Variants in SLC7A2 observed in about 807,000 individuals in gnomAD.
SLC7A2 encodes cationic amino acid transporter 2.
Under a neutral mutation model 58.9 loss-of-function variants are expected in SLC7A2, and 48 were observed. The observed-to-expected ratio is 0.82, with a 90% CI of 0.65 to 1.04. The LOEUF (loss-of-function observed/expected upper bound fraction) is 1.04, where lower values mean the gene tolerates loss of function less well. Ranked by LOEUF, SLC7A2 falls within the 50% of genes least tolerant of loss-of-function variation. The probability of loss-of-function intolerance (pLI) is 0.00; values close to 1 mark genes in which losing one functional copy is unlikely to be tolerated. For missense variants in SLC7A2, 1,029 were observed against 818.8 expected (o/e 1.26, Z -3.13); for synonymous variants, 363 against 314.5 (o/e 1.15, Z -1.63).
chr8:17,507,492 G>A (rs926713168), intron 2 of SLC7A2, among the ~76,000 whole-genome samples: 2 of 152,034 alleles, frequency 1.3e-5, no homozygotes, highest in African/African-American at 2.4e-5. Context: ...GGAATTATAG[G>A]CATAAGCCAC....
intron 1 of SLC7A2, among the ~76,000 whole-genome samples, chr8:17,501,162 T>A (rs529269794): frequency 6.6e-6 from 1 of 152,122 alleles, no homozygotes; most frequent in African/African-American, 2.4e-5. Flanking sequence ...TACAGGCGTG[T>A]GCCACCATGT....
chr8:17,556,613 G>T (rs547646244), intron 8 of SLC7A2, among the ~76,000 whole-genome samples: 1 of 141,080 alleles, frequency 7.1e-6, no homozygotes, highest in Admixed American at 6.9e-5. Context: ...GAGCAATGAA[G>T]AATTTTTTTT....
At chr8:17,515,762 A>T (rs1322893997) in intron 2 of SLC7A2, among the ~76,000 whole-genome samples, 1 of 152,162 alleles carries the variant, frequency 6.6e-6, no homozygotes, top group Non-Finnish European at 1.5e-5. Flanking sequence ...CTATCATTAA[A>T]TCTTAGAATC....
chr8:17,564,820 C>G lies in SLC7A2; in HGVS notation c.1781-130C>G, dbSNP rs547047342. On this transcript the variant is annotated intron_variant, in intron 12 of 12. Coordinates refer to ENST00000494857, the MANE Select transcript of SLC7A2 (RefSeq NM_001370338.1). ...GGTCTGTGGCCCAGGGGTTGGTGACCCCCGTTCTAAAGTACTACAGAAAGG... is the reference window on the plus strand; with the variant it reads ...GGTCTGTGGCCCAGGGGTTGGTGACGCCCGTTCTAAAGTACTACAGAAAGG... 8 of 747,854 alleles carry G rather than the reference C, an allele frequency of 1.1e-5. No individual in the cohort carries two copies. The East Asian group carries it at 2.2e-4, about 20-fold the overall frequency. 46.3% of individuals were successfully genotyped at this position (747,854 alleles called of 1,614,324 possible).
rs1419649204 is a variant in SLC7A2, at chr8:17,554,596, C to A, written c.1092C>A (p.Ile364=). The A allele has an allele frequency of 2.5e-6, 4 of 1,610,938 alleles. No individual in the cohort carries two copies. The stretch of plus-strand genomic sequence containing the variant: ...CCATTTTCCCAATGCCTCGTGTAAT[C>A]TATGCTATGGCGGAGGATGGGTTGC... ...LGSIFPMPRV[I]YAMAEDGLLF... is the part of the protein sequence containing the mutation. Residue 364 remains isoleucine, a synonymous_variant, in exon 8 of 13, where the codon ATC becomes ATA. Transcript: ENST00000494857.
At position 17,546,566 on chromosome 8, in the gene SLC7A2, A is replaced by G. The variant is rs1439112841; in HGVS notation, c.532+1960A>G. On this transcript the variant is annotated intron_variant, in intron 4 of 12. Transcript: ENST00000494857. Reference sequence around the variant, plus strand: ...TGCTGTTGGGAAACTTACATGAAATATAAAGGTGGCTTTGTTATTCTCTGA... The same window carrying G: ...TGCTGTTGGGAAACTTACATGAAATGTAAAGGTGGCTTTGTTATTCTCTGA... 2.6e-5 allele frequency among the ~76,000 whole-genome samples: 4 copies of G among 152,342 alleles called. No homozygotes were observed. The East Asian group carries it at 5.8e-4, about 22-fold the overall frequency.
chr8:17,542,132 A>G (rs1354369750), intron 2 of SLC7A2, among the ~76,000 whole-genome samples: 1 of 152,210 alleles, frequency 6.6e-6, no homozygotes, highest in Non-Finnish European at 1.5e-5. Flanking sequence ...AGGCCTTGAG[A>G]GGTGATTTTT....
chr8:17,509,583 G>T (rs1399880696), intron 2 of SLC7A2, among the ~76,000 whole-genome samples: 1 of 152,116 alleles, frequency 6.6e-6, no homozygotes, highest in Non-Finnish European at 1.5e-5. Context: ...TGGGAAGACA[G>T]GCGGGAGCCA....
rs978525437 is a variant in SLC7A2, at chr8:17,567,318, A to C, written c.*2172A>C. 2.6e-5 allele frequency: 4 copies of C among 152,440 alleles called. No homozygotes were observed. The highest frequency in any genetic ancestry group is 1.9e-4 in the East Asian group (1 of 5,188). The allele number at this position is 152,440 out of a possible 1,614,324, so 9.4% of individuals were successfully genotyped here. ...AACAATTGTTATATATGAACACTCA[A>C]ATCTTTTACTGTAACGAAACCAAGA... On this transcript the variant is annotated 3_prime_UTR_variant, in exon 13 of 13. Transcript: ENST00000494857.
At chr8:17,527,196 A>G (rs1414500715) in intron 2 of SLC7A2, among the ~76,000 whole-genome samples, 1 of 152,244 alleles carries the variant, frequency 6.6e-6, no homozygotes, top group Non-Finnish European at 1.5e-5. Flanking sequence ...GAAACTTAAA[A>G]TGCTGAATTT....
At chr8:17,506,815 A>G (rs540412320) in intron 2 of SLC7A2, among the ~76,000 whole-genome samples, 3 of 151,798 alleles carry the variant, frequency 2.0e-5, no homozygotes, top group South Asian at 2.1e-4. Context: ...CAGTGGCGCA[A>G]TCTCGGCTCA....
At chr8:17,562,452 A>G (rs1803063142) in intron 11 of SLC7A2, among the ~76,000 whole-genome samples, 1 of 151,046 alleles carries the variant, frequency 6.6e-6, no homozygotes, top group Non-Finnish European at 1.5e-5. Flanking sequence ...TAATCCACCC[A>G]CCTCTGCCTC....
rs1802637783 is a variant in SLC7A2 at position 17,555,186 on chromosome 8, A to G, written c.1195+487A>G. 18 of 1,034,606 alleles carry G rather than the reference A, an allele frequency of 1.7e-5. No homozygotes were observed. In the South Asian group the frequency reaches 3.4e-4, roughly 20 times the overall value. 64.1% of individuals were successfully genotyped at this position (1,034,606 alleles called of 1,614,324 possible). A position where few individuals can be genotyped will look rare whatever the true frequency, so the allele number is the denominator to read the frequency against. On this transcript the variant is annotated intron_variant, in intron 8 of 12. Transcript: ENST00000494857. The stretch of plus-strand genomic sequence containing the variant: ...TGCATGCTGTGCATGTAAGTTAAAA[A>G]AAACAAAATCACTGATAAAAATTAG...
intron 2 of SLC7A2, among the ~76,000 whole-genome samples, chr8:17,505,676 G>GA (rs552303238): frequency 1.5e-4 from 23 of 151,862 alleles, no homozygotes; most frequent in East Asian, 7.7e-4. Context: ...GACATAAACA[G>GA]AAAAAAAATG....
intron 2 of SLC7A2, among the ~76,000 whole-genome samples, chr8:17,530,146 T>C (rs1801386311): frequency 1.3e-5 from 2 of 152,088 alleles, no homozygotes; most frequent in Non-Finnish European, 2.9e-5. Context: ...TAAATAAGCC[T>C]GGTTTCTTAG....
In SLC7A2 at chr8:17,537,344, G is replaced by A. The variant is rs150805149; in HGVS notation, c.-22-5974G>A. On this transcript the variant is annotated intron_variant, in intron 2 of 12. Transcript: ENST00000494857. ...TGGGATTACAGGCATGAGCCACCGT[G>A]CCCAGCCCACCCTGTGTGGCTTCTA... Among the ~76,000 whole-genome samples, 1,096 of 152,248 alleles carry A rather than the reference G, an allele frequency of 7.2e-3. 5 individuals carry two copies. The highest frequency in any genetic ancestry group is 0.048 in the Middle Eastern group (14 of 294).
At position 17,565,737 on chromosome 8, in the gene SLC7A2, A is replaced by C. The variant is rs1437461913; in HGVS notation, c.*591A>C. On this transcript the variant is annotated 3_prime_UTR_variant, in exon 13 of 13. Coordinates refer to ENST00000494857, the MANE Select transcript of SLC7A2 (RefSeq NM_001370338.1). ...AGTTGTGAATGCCAACAGTGGGTTT[A>C]ATGCAAATTTTTTTTCCTGTGAGGT... The C allele has an allele frequency of 6.6e-6, 1 of 152,422 alleles. No individual in the cohort carries two copies. The highest frequency in any genetic ancestry group is 1.9e-4 in the East Asian group (1 of 5,202). The allele number at this position is 152,422 out of a possible 1,614,324, so 9.4% of individuals were successfully genotyped here.
intron 2 of SLC7A2, among the ~76,000 whole-genome samples, chr8:17,541,011 G>A (rs772308467): frequency 6.6e-6 from 1 of 152,144 alleles, no homozygotes; most frequent in Non-Finnish European, 1.5e-5. Context: ...ATGTTTATCA[G>A]TTGTGTTCCC....
Position 17,565,269 on chromosome 8 carries a change from T to C in SLC7A2, c.*123T>C. On this transcript the variant is annotated 3_prime_UTR_variant, in exon 13 of 13. Transcript: ENST00000494857. ...TTGCTGCATACATAGTTCACCCTAA[T>C]TTATACTTACTCATCTGGACAGCAT... is the stretch of plus-strand genomic sequence containing the variant. 1 of 723,092 alleles carries C rather than the reference T, an allele frequency of 1.4e-6. No individual in the cohort carries two copies. Among genetic ancestry groups the C allele is most frequent in the Non-Finnish European group, 2.3e-6 (1 of 443,258 alleles). 44.8% of individuals were successfully genotyped at this position (723,092 alleles called of 1,614,324 possible).
Sources: allele counts gnomAD v4.1 joint callset (sites outside exome capture counted in the v4.1 genomes callset), GRCh38; gene constraint gnomAD v4.1.1; transcripts MANE v1.5; gene names NCBI Gene and HGNC (gene_info 2026-07-23, HGNC 2026-07-21).